Variants in ASPSCR1 observed in about 807,000 individuals in gnomAD.
The protein encoded by ASPSCR1 is tether containing UBX domain for GLUT4.
Under a neutral mutation model 68.9 loss-of-function variants are expected in ASPSCR1, and 55 were observed. The observed-to-expected ratio is 0.80, with a 90% CI of 0.64 to 1.00. ASPSCR1 has a LOEUF of 1.00. Ranked by LOEUF, ASPSCR1 falls within the 50% of genes least tolerant of loss-of-function variation. The probability of loss-of-function intolerance (pLI) is 0.00; values close to 1 mark genes in which losing one functional copy is unlikely to be tolerated. For missense variants in ASPSCR1, 765 were observed against 762.2 expected (o/e 1.00, Z -0.04); for synonymous variants, 352 against 332.6 (o/e 1.06, Z -0.63).
chr17:81,984,421 A>G (rs577491493), intron 3 of ASPSCR1, among the ~76,000 whole-genome samples: 107 of 152,212 alleles, frequency 7.0e-4, no homozygotes, highest in African/African-American at 2.5e-3. Flanking sequence ...TACTAAAAAT[A>G]CAAAAATTAG....
chr17:82,005,002 C>G (rs1567982254), intron 7 of ASPSCR1: 1 of 152,384 alleles, frequency 6.6e-6, no homozygotes, highest in Non-Finnish European at 1.5e-5. Flanking sequence ...GTCTGGGCCT[C>G]TTTGCATCGG....
chr17:82,005,463 C>G, intron 7 of ASPSCR1: 1 of 152,174 alleles, frequency 6.6e-6, no homozygotes, highest in African/African-American at 2.4e-5. Context: ...AAGGCTCCTC[C>G]TGGCTCTCAG....
chr17:82,008,930 G>A, intron 7 of ASPSCR1, 107 bp from the exon 8 acceptor site: 3 of 1,378,506 alleles, frequency 2.2e-6, no homozygotes, highest in East Asian at 5.5e-5. Context: ...GAGGGAGTGG[G>A]CCCAGCTCCC....
At position 82,016,875 on chromosome 17, in the gene ASPSCR1, T is replaced by C; in HGVS notation, c.1475+6T>C. On this transcript the variant is annotated splice_donor_region_variant and intron_variant, in intron 14 of 15. Coordinates refer to ENST00000306739, the MANE Select transcript of ASPSCR1 (RefSeq NM_024083.4). ...GCCGATGTGCTGGTGGCCAGGTAAG[T>C]GCCGGTGGGTCTGGGGGCACCTCCC... 1 of 1,612,560 alleles carries C rather than the reference T, an allele frequency of 6.2e-7. No homozygotes were observed. The highest frequency in any genetic ancestry group is 1.1e-5 in the South Asian group (1 of 91,074).
At chr17:82,012,194 C>A in intron 11 of ASPSCR1, 37 bp from the exon 12 acceptor site, 1 of 1,603,532 alleles carries the variant, frequency 6.2e-7, no homozygotes. Context: ...GCGAGGTCCA[C>A]GGTGCTTCCT....
Position 82,009,353 on chromosome 17 carries a change from G to A in ASPSCR1, c.1089-133G>A, listed in dbSNP as rs560981229. 99 of 1,355,314 alleles carry A rather than the reference G, an allele frequency of 7.3e-5. 1 individual carries two copies. In the African/African-American group the frequency reaches 9.4e-4, roughly 13 times the overall value. The allele number at this position is 1,355,314 out of a possible 1,614,324, so 84.0% of individuals were successfully genotyped here. On this transcript the variant is annotated intron_variant, in intron 8 of 15. Transcript: ENST00000306739. Reference sequence around the variant, plus strand: ...AGAGGGTTGGGGCCCAGGGAGGGGCGTCCAGACCTTCCTGCCTTGTGTGGG... The same window carrying A: ...AGAGGGTTGGGGCCCAGGGAGGGGCATCCAGACCTTCCTGCCTTGTGTGGG...
chr17:82,007,818 CCGCCTGG>C (rs1204561345), intron 7 of ASPSCR1: 1 of 152,286 alleles, frequency 6.6e-6, no homozygotes, highest in Non-Finnish European at 1.5e-5. Context: ...CTGTGGGGGG[CCGCCTGG>C]CGCCTGGCAT....
At chr17:81,998,937 C>T (rs377549074) in intron 7 of ASPSCR1, among the ~76,000 whole-genome samples, 1,546 of 152,326 alleles carry the variant, frequency 0.01, 14 homozygotes, top group Middle Eastern at 0.02. Context: ...TGTGGCCTGA[C>T]CCTCTCCCTC....
Position 82,012,281 on chromosome 17 carries a change from C to G in ASPSCR1, c.1351C>G (p.Gln451Glu), listed in dbSNP as rs202008716. The part of the protein sequence containing the change: ...VLDDHTQTLF[Q>E]ANLFPAALVH... The stretch of plus-strand genomic sequence containing the variant: ...GGACGACCACACGCAGACCCTCTTT[C>G]AGGTACCTGAGGGCCTCCCTGGGGT... The change falls in exon 12 of 16, where the codon CAG (glutamine) becomes GAG (glutamate). Residue 451 changes from glutamine to glutamate, a missense_variant and splice_region_variant. Transcript: ENST00000306739. 1.6e-5 allele frequency: 26 copies of G among 1,613,276 alleles called. No individual in the cohort carries two copies. Among genetic ancestry groups the G allele is most frequent in the Non-Finnish European group, 4.2e-6 (5 of 1,179,868 alleles).
chr17:82,011,002 T>C, intron 10 of ASPSCR1, 134 bp downstream of exon 10: 1 of 1,062,470 alleles, frequency 9.4e-7, no homozygotes, highest in Non-Finnish European at 1.4e-6. Context: ...GTGCGGGTGC[T>C]GATGTCCCCT....
At chr17:82,010,441 A>G (rs2042892166) in intron 9 of ASPSCR1, among the ~76,000 whole-genome samples, 1 of 151,348 alleles carries the variant, frequency 6.6e-6, no homozygotes, top group South Asian at 2.1e-4. Flanking sequence ...AGGCAGGAGA[A>G]AGGCGTGAAC....
chr17:81,980,787 A>C (rs1343519308), intron 2 of ASPSCR1, among the ~76,000 whole-genome samples: 2 of 152,204 alleles, frequency 1.3e-5, no homozygotes, highest in Non-Finnish European at 2.9e-5. Context: ...CACACAGTTG[A>C]GCTTCCTGCC....
intron 3 of ASPSCR1, among the ~76,000 whole-genome samples, chr17:81,985,125 C>G (rs1017159898): frequency 1.3e-5 from 2 of 149,908 alleles, no homozygotes; most frequent in Non-Finnish European, 3.0e-5. Context: ...TGCATGTAAA[C>G]ATGCACACAC....
Position 81,985,552 on chromosome 17 carries a change from T to A in ASPSCR1, c.319T>A (p.Ser107Thr). ...GGACGATGGCTCGAGGTTGCAGGAC[T>A]CTTTCTGTTCAGGCCAGACCCTCTG... The part of the protein sequence containing the change: ...QLDDGSRLQD[S>T]FCSGQTLWEL... Residue 107 changes from serine to threonine, a missense_variant, in exon 4 of 16, where the codon TCT becomes ACT. Transcript: ENST00000306739. The A allele has an allele frequency of 6.2e-7, 1 of 1,614,086 alleles. No homozygotes were observed. The highest frequency in any genetic ancestry group is 8.5e-7 in the Non-Finnish European group (1 of 1,180,038).
chr17:81,978,374 A>G lies in ASPSCR1; in HGVS notation c.102+626A>G, dbSNP rs539832028. The G allele has an allele frequency of 3.3e-5, 5 of 151,974 alleles. No individual in the cohort carries two copies. In the East Asian group the frequency reaches 9.7e-4, roughly 30 times the overall value. 9.4% of individuals were successfully genotyped at this position (151,974 alleles called of 1,614,324 possible). ...CGTCTGTACTAAAAAAATACAAAAAAATTTAGCCGGGCGTGGTGGCGGGCG... is the reference window on the plus strand; with the variant it reads ...CGTCTGTACTAAAAAAATACAAAAAGATTTAGCCGGGCGTGGTGGCGGGCG... On this transcript the variant is annotated intron_variant, in intron 1 of 15. Coordinates refer to ENST00000306739, the MANE Select transcript of ASPSCR1 (RefSeq NM_024083.4).
At chr17:81,982,028 G>A (rs2041811663) in intron 2 of ASPSCR1, among the ~76,000 whole-genome samples, 1 of 152,020 alleles carries the variant, frequency 6.6e-6, no homozygotes, top group Admixed American at 6.6e-5. Flanking sequence ...GAGTGCAATG[G>A]CGCGATCTTG....
At position 82,014,760 on chromosome 17, in the gene ASPSCR1, G is replaced by T. The variant is rs889678256; in HGVS notation, c.1354-1716G>T. ...GTTGCTGCCCCGTGGGGGTTGACGTGGGCCTCCTTTCGGAAGCTCTTCCTG... is the reference window on the plus strand; with the variant it reads ...GTTGCTGCCCCGTGGGGGTTGACGTTGGCCTCCTTTCGGAAGCTCTTCCTG... On this transcript the variant is annotated intron_variant, in intron 12 of 15. Transcript: ENST00000306739. 15 of 444,820 alleles carry T rather than the reference G, an allele frequency of 3.4e-5. 1 individual carries two copies. Among genetic ancestry groups the T allele is most frequent in the Non-Finnish European group, 6.2e-5 (15 of 243,884 alleles). The allele number at this position is 444,820 out of a possible 1,614,324, so 27.6% of individuals were successfully genotyped here. A position where few individuals can be genotyped will look rare whatever the true frequency, so the allele number is the denominator to read the frequency against.
chr17:81,984,021 A>G lies in ASPSCR1; in HGVS notation c.273+353A>G, dbSNP rs1319109184. On this transcript the variant is annotated intron_variant, in intron 3 of 15. Coordinates refer to ENST00000306739, the MANE Select transcript of ASPSCR1 (RefSeq NM_024083.4). The stretch of plus-strand genomic sequence containing the variant: ...AGGTGCCCGCCACCACACCCGGCTA[A>G]TTTTTGTATTTTAGTAGAGGCAGGG... Among the ~76,000 whole-genome samples, 5 of 151,908 alleles carry G rather than the reference A, an allele frequency of 3.3e-5. No homozygotes were observed. The South Asian group carries it at 1.0e-3, about 32-fold the overall frequency.
chr17:81,994,400 G>A (rs553966320), intron 4 of ASPSCR1, among the ~76,000 whole-genome samples: 11 of 152,348 alleles, frequency 7.2e-5, no homozygotes, highest in African/African-American at 2.2e-4. Flanking sequence ...CTTAGTGGGC[G>A]GCTTAAGATG....
Sources: allele counts gnomAD v4.1 joint callset (sites outside exome capture counted in the v4.1 genomes callset), GRCh38; gene constraint gnomAD v4.1.1; transcripts MANE v1.5; gene names NCBI Gene and HGNC (gene_info 2026-07-23, HGNC 2026-07-21).